The following JAM2 variants were observed in gnomAD, a reference collection of about 807,000 sequenced individuals.
The protein encoded by JAM2 is junctional adhesion molecule B.
JAM2 carries 17 observed loss-of-function variants against 42.0 expected under a neutral mutation model. That is an observed-to-expected ratio of 0.40 (90% CI 0.28 to 0.61). JAM2 has a LOEUF of 0.61. Ranked by LOEUF, JAM2 falls within the 20% of genes least tolerant of loss-of-function variation. JAM2 has a pLI of 0.37. For missense variants in JAM2, 319 were observed against 358.3 expected (o/e 0.89, Z 0.89); for synonymous variants, 118 against 128.6 (o/e 0.92, Z 0.56).
chr21:25,678,444 G>A, intron 1 of JAM2, among the ~76,000 whole-genome samples: 1 of 152,044 alleles, frequency 6.6e-6, no homozygotes, highest in South Asian at 2.1e-4. Flanking sequence ...GGGATATGGG[G>A]GAAGAGAAAA....
At chr21:25,664,522 C>T (rs571298178) in intron 1 of JAM2, among the ~76,000 whole-genome samples, 6 of 152,334 alleles carry the variant, frequency 3.9e-5, no homozygotes, top group Admixed American at 6.5e-5. Flanking sequence ...GCGTCAGCCA[C>T]TGCGCCCAGC....
intron 1 of JAM2, among the ~76,000 whole-genome samples, chr21:25,681,491 C>T (rs951191191): frequency 5.9e-5 from 9 of 152,198 alleles, no homozygotes; most frequent in Non-Finnish European, 8.8e-5. Context: ...CTCACTGTCA[C>T]GAGAACAGCA....
chr21:25,663,855 A>AG (rs1427943296), intron 1 of JAM2, among the ~76,000 whole-genome samples: 1 of 152,214 alleles, frequency 6.6e-6, no homozygotes, highest in Non-Finnish European at 1.5e-5. Flanking sequence ...GATGAAGATA[A>AG]GGGGTCTCTC....
chr21:25,712,055 G>GT lies in JAM2; in HGVS notation c.822-284dup, dbSNP rs368816944. 2.3e-3 allele frequency: 687 copies of GT among 295,358 alleles called. 6 individuals carry two copies. Among genetic ancestry groups the GT allele is most frequent in the African/African-American group, 0.014 (645 of 45,718 alleles). The allele number at this position is 295,358 out of a possible 1,614,324, so 18.3% of individuals were successfully genotyped here. ...TGTTAATATATTAAATTAAAAGTTA[G>GT]TAAGTCTCTGGTTTGTGTATTCCAC... On this transcript the variant is annotated intron_variant, in intron 8 of 9. Transcript: ENST00000480456.
chr21:25,678,602 G>A (rs2033554300), intron 1 of JAM2, among the ~76,000 whole-genome samples: 1 of 152,154 alleles, frequency 6.6e-6, no homozygotes, highest in South Asian at 2.1e-4. Flanking sequence ...CTAAGATTGA[G>A]CCACATGGGT....
chr21:25,662,568 C>G (rs1414893653), intron 1 of JAM2, among the ~76,000 whole-genome samples: 1 of 152,184 alleles, frequency 6.6e-6, no homozygotes, highest in African/African-American at 2.4e-5. Flanking sequence ...ATCCTCCTGT[C>G]TCAGCCTCTT....
chr21:25,680,226 T>C (rs1227254743), intron 1 of JAM2, among the ~76,000 whole-genome samples: 1 of 152,224 alleles, frequency 6.6e-6, no homozygotes, highest in African/African-American at 2.4e-5. Context: ...ATTGTGAATG[T>C]TTTCCATTAA....
In JAM2 at chr21:25,714,619, GTTT is replaced by G; in HGVS notation, c.865-17_865-15del. ...AATATGAATTCATATATTTAAACCT[GTTT>G]TTTCTTTCTTTTCCTAGGATTTCAA... On this transcript the variant is annotated intron_variant, in intron 9 of 9. Coordinates refer to ENST00000480456, the MANE Select transcript of JAM2 (RefSeq NM_021219.4). 1 of 1,388,066 alleles carries G rather than the reference GTTT, an allele frequency of 7.2e-7. No individual in the cohort carries two copies. Among genetic ancestry groups the G allele is most frequent in the Non-Finnish European group, 9.9e-7 (1 of 1,009,454 alleles). The allele number at this position is 1,388,066 out of a possible 1,614,324, so 86.0% of individuals were successfully genotyped here. A position where few individuals can be genotyped will look rare whatever the true frequency, so the allele number is the denominator to read the frequency against.
rs919889804 is a variant in JAM2, at chr21:25,683,780, C to T, written c.68-103C>T. 6.6e-5 allele frequency: 51 copies of T among 773,590 alleles called. No homozygotes were observed. The African/African-American group carries it at 8.8e-4, about 13-fold the overall frequency. 47.9% of individuals were successfully genotyped at this position (773,590 alleles called of 1,614,324 possible). A position where few individuals can be genotyped will look rare whatever the true frequency, so the allele number is the denominator to read the frequency against. ...TGTGTTATGAATTGGGTAAACTTGT[C>T]ACCAAACTTTAGGACAGTTTTCTTG... On this transcript the variant is annotated intron_variant, in intron 1 of 9. Transcript: ENST00000480456.
chr21:25,712,982 T>C (rs1335544601), intron 9 of JAM2, among the ~76,000 whole-genome samples: 2 of 152,232 alleles, frequency 1.3e-5, no homozygotes, highest in African/African-American at 4.8e-5. Context: ...GTAGACTCAA[T>C]GTCTAGTGAG....
chr21:25,714,478 A>G (rs1450172182), intron 9 of JAM2, 162 bp from the exon 10 acceptor site: 1 of 564,602 alleles, frequency 1.8e-6, no homozygotes, highest in African/African-American at 2.0e-5. Flanking sequence ...AGCCTGGGTA[A>G]CAGAGCAAGA....
At chr21:25,673,088 A>G (rs1038452792) in intron 1 of JAM2, among the ~76,000 whole-genome samples, 3 of 152,220 alleles carry the variant, frequency 2.0e-5, no homozygotes, top group African/African-American at 7.2e-5. Flanking sequence ...ATCAAAGACT[A>G]CAGAATCCTA....
intron 1 of JAM2, among the ~76,000 whole-genome samples, chr21:25,670,036 G>T (rs1314592835): frequency 6.6e-6 from 1 of 152,132 alleles, no homozygotes; most frequent in Admixed American, 6.5e-5. Context: ...ACTTTTGGTA[G>T]ATTCTGTCAT....
chr21:25,716,001 T>TA lies in JAM2; in HGVS notation c.*1329_*1330insA, dbSNP rs1202913281. On this transcript the variant is annotated 3_prime_UTR_variant, in exon 10 of 10. Transcript: ENST00000480456. ...ATCTTCTTTCTTTTTTTTTTTTTTTTTTTGAGACGGAGTCTCACTCTGTCG... is the reference window on the plus strand; with the variant it reads ...ATCTTCTTTCTTTTTTTTTTTTTTTTATTTGAGACGGAGTCTCACTCTGTCG... The TA allele has an allele frequency of 4.0e-5, 6 of 149,394 alleles. No homozygotes were observed. Among genetic ancestry groups the TA allele is most frequent in the Non-Finnish European group, 8.9e-5 (6 of 67,410 alleles). 9.3% of individuals were successfully genotyped at this position (149,394 alleles called of 1,614,324 possible).
At chr21:25,700,826 AGCAGTCAGCAGGC>A (rs1271299107) in intron 5 of JAM2, among the ~76,000 whole-genome samples, 1 of 152,256 alleles carries the variant, frequency 6.6e-6, no homozygotes, top group Non-Finnish European at 1.5e-5. Context: ...CTGGCCTCTC[AGCAGTCAGCAGGC>A]GCAGTCAGCA....
chr21:25,705,127 G>C (rs961589451), intron 6 of JAM2, among the ~76,000 whole-genome samples: 4 of 152,146 alleles, frequency 2.6e-5, no homozygotes, highest in Non-Finnish European at 5.9e-5. Flanking sequence ...ATATGTATAT[G>C]ACTGTGTATG....
chr21:25,690,775 C>T (rs1411174505), intron 3 of JAM2, among the ~76,000 whole-genome samples: 3 of 152,172 alleles, frequency 2.0e-5, no homozygotes, highest in Admixed American at 2.0e-4. Flanking sequence ...CACTGAGAAG[C>T]TCAGGGAGTT....
intron 1 of JAM2, chr21:25,643,946 A>G (rs1361867631): frequency 6.6e-6 from 1 of 152,206 alleles, no homozygotes; most frequent in Non-Finnish European, 1.5e-5. Flanking sequence ...AAGAGCTGCT[A>G]GCTTTATTGA....
chr21:25,714,228 C>T, intron 9 of JAM2: 1 of 1,301,618 alleles, frequency 7.7e-7, no homozygotes, highest in Non-Finnish European at 1.0e-6. Context: ...TGGTTTTGGC[C>T]AGGTGCAGTG....
Sources: allele counts gnomAD v4.1 joint callset (sites outside exome capture counted in the v4.1 genomes callset), GRCh38; gene constraint gnomAD v4.1.1; transcripts MANE v1.5; gene names NCBI Gene and HGNC (gene_info 2026-07-23, HGNC 2026-07-21).